The following ARPP21 variants were observed in gnomAD, a reference collection of about 807,000 sequenced individuals.
ARPP21 encodes the protein cAMP-regulated phosphoprotein 21.
In ARPP21, 69 loss-of-function variants were observed where a neutral mutation model predicts 113.2. The observed-to-expected ratio is 0.61, with a 90% CI of 0.50 to 0.74. ARPP21 has a LOEUF of 0.74. Ranked by LOEUF, ARPP21 falls within the 30% of genes least tolerant of loss-of-function variation. The pLI, the probability that ARPP21 is intolerant of heterozygous loss-of-function variation, is 0.00. For missense variants in ARPP21, 1,070 were observed against 1,037.4 expected (o/e 1.03, Z -0.43); for synonymous variants, 368 against 375.5 (o/e 0.98, Z 0.23).
At chr3:35,697,049 G>C (rs1426648610) in intron 9 of ARPP21, among the ~76,000 whole-genome samples, 1 of 151,568 alleles carries the variant, frequency 6.6e-6, no homozygotes, top group Non-Finnish European at 1.5e-5. Context: ...TTTCCAAAAA[G>C]CCAAGATCAG....
At chr3:35,704,988 G>A (rs532567284) in intron 9 of ARPP21, among the ~76,000 whole-genome samples, 1 of 152,002 alleles carries the variant, frequency 6.6e-6, no homozygotes, top group Non-Finnish European at 1.5e-5. Context: ...CACATTCTGA[G>A]ATAATTTTAT....
chr3:35,692,468 G>A (rs115339211), intron 9 of ARPP21, among the ~76,000 whole-genome samples: 92 of 151,644 alleles, frequency 6.1e-4, no homozygotes, highest in African/African-American at 2.2e-3. Context: ...AAAAGCAGTT[G>A]ACTACTTCCT....
At chr3:35,734,333 T>C (rs780334878) in intron 15 of ARPP21, among the ~76,000 whole-genome samples, 1 of 152,168 alleles carries the variant, frequency 6.6e-6, no homozygotes, top group Non-Finnish European at 1.5e-5. Flanking sequence ...ATTGCTGATT[T>C]GGGAGGAAAA....
intron 19 of ARPP21, among the ~76,000 whole-genome samples, chr3:35,771,521 G>A (rs2096202471): frequency 6.6e-6 from 1 of 151,982 alleles, no homozygotes; most frequent in African/African-American, 2.4e-5. Flanking sequence ...TAATGACGGG[G>A]TTTCACCATG....
At chr3:35,736,081 G>C (rs2094331725) in intron 15 of ARPP21, among the ~76,000 whole-genome samples, 1 of 152,170 alleles carries the variant, frequency 6.6e-6, no homozygotes, top group Admixed American at 6.5e-5. Context: ...AGACTTTGAA[G>C]TCTTACTGAC....
At chr3:35,765,016 T>G (rs1228251833) in intron 19 of ARPP21, among the ~76,000 whole-genome samples, 1 of 152,148 alleles carries the variant, frequency 6.6e-6, no homozygotes, top group Non-Finnish European at 1.5e-5. Context: ...CAATACATTA[T>G]GTTCTCATGT....
intron 19 of ARPP21, chr3:35,774,857 T>C (rs1404228206): frequency 6.6e-6 from 1 of 152,210 alleles, no homozygotes; most frequent in Non-Finnish European, 1.5e-5. Context: ...ATCTTTGATG[T>C]GATCCATATT....
intron 19 of ARPP21, among the ~76,000 whole-genome samples, chr3:35,758,730 C>G (rs940796681): frequency 6.6e-6 from 1 of 152,088 alleles, no homozygotes; most frequent in Non-Finnish European, 1.5e-5. Context: ...CCTCTACAAA[C>G]CACTTGCTCT....
At chr3:35,722,687 C>A (rs2093206843) in intron 14 of ARPP21, among the ~76,000 whole-genome samples, 1 of 151,992 alleles carries the variant, frequency 6.6e-6, no homozygotes, top group Non-Finnish European at 1.5e-5. Flanking sequence ...CATGAACAGT[C>A]TTTGGAAGGT....
intron 9 of ARPP21, among the ~76,000 whole-genome samples, chr3:35,699,517 C>T (rs2085443662): frequency 6.6e-6 from 1 of 151,694 alleles, no homozygotes; most frequent in African/African-American, 2.4e-5. Context: ...GAGCAGTGCA[C>T]ATTTATGTAA....
rs576471302 is a variant in ARPP21, at chr3:35,758,828, A to G, written c.2137+14863A>G. 2.0e-5 allele frequency among the ~76,000 whole-genome samples: 3 copies of G among 152,062 alleles called. No homozygotes were observed. The South Asian group carries it at 6.2e-4, about 32-fold the overall frequency. ...GCTGTTCTTTTCTATATATTTAAGTAAAGCAGAGAAAGGGAAATTGGGTTT... is the reference window on the plus strand; with the variant it reads ...GCTGTTCTTTTCTATATATTTAAGTGAAGCAGAGAAAGGGAAATTGGGTTT... On this transcript the variant is annotated intron_variant, in intron 19 of 20. Coordinates refer to ENST00000684406, the MANE Select transcript of ARPP21 (RefSeq NM_001385562.1).
At chr3:35,767,130 T>G (rs544590540) in intron 19 of ARPP21, among the ~76,000 whole-genome samples, 1 of 152,164 alleles carries the variant, frequency 6.6e-6, no homozygotes, top group South Asian at 2.1e-4. Flanking sequence ...TGTTTTAACA[T>G]ATTGTCCACC....
chr3:35,682,554 G>T (rs2079229203), intron 3 of ARPP21: 2 of 328,270 alleles, frequency 6.1e-6, no homozygotes, highest in Non-Finnish European at 1.1e-5. Context: ...GTTAACAAAG[G>T]CAGATAACTG....
intron 9 of ARPP21, among the ~76,000 whole-genome samples, chr3:35,703,593 GAT>G (rs960865872): frequency 2.6e-5 from 4 of 151,286 alleles, no homozygotes; most frequent in Non-Finnish European, 5.9e-5. Context: ...CTTTTTTGAT[GAT>G]AATATAGAGA....
rs1016817470 is a variant in ARPP21 at position 35,721,797 on chromosome 3, T to C, written c.1188T>C (p.Thr396=). The change falls in exon 14 of 21, where the codon ACT becomes ACC. Residue 396 remains threonine (T), a synonymous_variant. Coordinates refer to ENST00000684406, the MANE Select transcript of ARPP21 (RefSeq NM_001385562.1). ...CGGTGCTGACCAGGGGTGACAGCACTTCCAGTACTAGGAGTACCGGGAAGC... is the reference window on the plus strand; with the variant it reads ...CGGTGCTGACCAGGGGTGACAGCACCTCCAGTACTAGGAGTACCGGGAAGC... ...GITVLTRGDS[T]SSTRSTGKLS... is the part of the protein sequence containing the mutation. 1.9e-6 allele frequency: 3 copies of C among 1,612,520 alleles called. No individual in the cohort carries two copies. Among genetic ancestry groups the C allele is most frequent in the Admixed American group, 1.7e-5 (1 of 59,860 alleles).
Position 35,739,297 on chromosome 3 carries a change from T to G in ARPP21, c.1750-20T>G. 6.2e-7 allele frequency: 1 copy of G among 1,608,812 alleles called. No homozygotes were observed. The highest frequency in any genetic ancestry group is 8.5e-7 in the Non-Finnish European group (1 of 1,176,668). On this transcript the variant is annotated intron_variant, in intron 17 of 20. Transcript: ENST00000684406. ...CAAGCTGATCCTGTGAATTCCCTCA[T>G]TTATTTCCATGACTTGCAGAGAGAT...
intron 19 of ARPP21, 113 bp downstream of exon 19, chr3:35,744,078 TACCC>T: frequency 2.7e-6 from 3 of 1,109,482 alleles, no homozygotes; most frequent in Non-Finnish European, 4.0e-6. Flanking sequence ...ACATTTTCTC[TACCC>T]AGAGAAGATA....
chr3:35,704,742 T>C (rs1391910679), intron 9 of ARPP21, among the ~76,000 whole-genome samples: 1 of 152,030 alleles, frequency 6.6e-6, no homozygotes, highest in African/African-American at 2.4e-5. Flanking sequence ...ATAGCCGCGC[T>C]AAATGTTCAT....
At chr3:35,668,341 A>T (rs9881281) in intron 1 of ARPP21, among the ~76,000 whole-genome samples, 4,393 of 152,236 alleles carry the variant, frequency 0.029, 211 homozygotes, top group African/African-American at 0.098. Flanking sequence ...CATCTTGGTG[A>T]GCCTAGTGGA....
Sources: gnomAD v4.1 joint callset for allele counts (sites outside exome capture counted in the v4.1 genomes callset) on GRCh38, gnomAD v4.1.1 for gene constraint, MANE v1.5 for transcripts, NCBI Gene and HGNC (gene_info 2026-07-23, HGNC 2026-07-21) for gene names.